GTF2H1: variants seen among roughly 807,000 people sequenced by gnomAD.
The protein encoded by GTF2H1 is general transcription factor IIH subunit 1.
In GTF2H1, 16 loss-of-function variants were observed where a neutral mutation model predicts 71.2. The ratio of observed to expected loss-of-function variants is 0.22; its 90% CI spans 0.15 to 0.34. The LOEUF (loss-of-function observed/expected upper bound fraction) is 0.34. GTF2H1 is among the 10% of genes least tolerant of loss of function. The pLI is 1.00. For synonymous variants in GTF2H1, 215 were observed against 219.0 expected (o/e 0.98, Z 0.16); for missense variants, 498 against 648.2 (o/e 0.77, Z 2.52).
At chr11:18,346,568 A>G (rs142960760) in intron 7 of GTF2H1, among the ~76,000 whole-genome samples, 15 of 152,152 alleles carry the variant, frequency 9.9e-5, no homozygotes, top group African/African-American at 3.6e-4. Flanking sequence ...CGTGCACTCA[A>G]TACATGTTTT....
intron 11 of GTF2H1, among the ~76,000 whole-genome samples, chr11:18,354,714 A>G (rs1207832258): frequency 6.6e-6 from 1 of 152,232 alleles, no homozygotes; most frequent in Non-Finnish European, 1.5e-5. Flanking sequence ...CATGAAAGGA[A>G]GAGCATTCCC....
intron 3 of GTF2H1, among the ~76,000 whole-genome samples, chr11:18,336,383 C>T (rs563957292): frequency 6.6e-5 from 10 of 152,312 alleles, no homozygotes; most frequent in Admixed American, 5.9e-4. Context: ...CCACCTCAGC[C>T]TCCCAAAGTG....
Position 18,338,132 on chromosome 11 carries a change from T to C in GTF2H1, c.371T>C (p.Leu124Ser). ...AGAATGCTGCAAGAAGATCCTGTTT[T>C]GTTTCAGCTTTATAAAGACCTTGTT... Reference protein sequence around the residue: ...KNRMLQEDPVLFQLYKDLVVS... With the variant: ...KNRMLQEDPVSFQLYKDLVVS... The change falls in exon 4 of 15, where the codon TTG (leucine) becomes TCG (serine). Residue 124 changes from leucine (L) to serine (S), a missense_variant. Around this residue, in one of 3 missense-constraint regions of GTF2H1, gnomAD observed 216 missense variants for 306.2 expected, o/e 0.71. Transcript: ENST00000265963. The C allele has an allele frequency of 1.9e-6, 3 of 1,611,872 alleles. No homozygotes were observed. The highest frequency in any genetic ancestry group is 2.5e-6 in the Non-Finnish European group (3 of 1,177,958).
At chr11:18,344,939 C>G (rs1446703912) in intron 7 of GTF2H1, among the ~76,000 whole-genome samples, 1 of 152,046 alleles carries the variant, frequency 6.6e-6, no homozygotes, top group African/African-American at 2.4e-5. Flanking sequence ...GGTGGGGTGG[C>G]TCATGCCTTT....
At chr11:18,355,506 T>A (rs1865524805) in intron 11 of GTF2H1, among the ~76,000 whole-genome samples, 1 of 151,832 alleles carries the variant, frequency 6.6e-6, no homozygotes, top group South Asian at 2.1e-4. Context: ...TAAATTTACT[T>A]ATTTATTTAT....
intron 11 of GTF2H1, among the ~76,000 whole-genome samples, chr11:18,356,239 A>G (rs574558442): frequency 1.3e-5 from 2 of 152,044 alleles, no homozygotes; most frequent in Non-Finnish European, 2.9e-5. Context: ...TTAACTGGGT[A>G]TGGTGGTGCG....
intron 14 of GTF2H1, among the ~76,000 whole-genome samples, chr11:18,364,993 G>T (rs907366724): frequency 4.0e-5 from 6 of 151,170 alleles, no homozygotes; most frequent in Admixed American, 1.3e-4. Context: ...ACTTTGAGAG[G>T]CTGAGGCAGG....
rs540771342 is a variant in GTF2H1 at position 18,331,273 on chromosome 11, C to T, written c.-15-1787C>T. On this transcript the variant is annotated intron_variant, in intron 1 of 14. Transcript: ENST00000265963. ...GTTTCACCATGTTGCCCAGACTGGT[C>T]TCGAGCTCCTGAGCTCAAGTGATCC... 9.2e-5 allele frequency among the ~76,000 whole-genome samples: 14 copies of T among 152,244 alleles called. No individual in the cohort carries two copies. The East Asian group carries it at 2.1e-3, about 23-fold the overall frequency.
intron 3 of GTF2H1, among the ~76,000 whole-genome samples, 186 bp downstream of exon 3, chr11:18,336,132 T>C (rs1865023563): frequency 6.6e-6 from 1 of 152,078 alleles, no homozygotes; most frequent in Non-Finnish European, 1.5e-5. Flanking sequence ...TTTGTTTGTT[T>C]TTGGATTTTT....
chr11:18,347,429 C>G lies in GTF2H1; in HGVS notation c.838-159C>G, dbSNP rs549853604. On this transcript the variant is annotated intron_variant, in intron 7 of 14. Transcript: ENST00000265963. ...GTGCTATTTGTTAATCTTTTATGTG[C>G]ATAATGTCACTTGTTTTTAAATGTT... 8 of 555,328 alleles carry G rather than the reference C, an allele frequency of 1.4e-5. No individual in the cohort carries two copies. The East Asian group carries it at 1.4e-4, about 10-fold the overall frequency. The allele number at this position is 555,328 out of a possible 1,614,324, so 34.4% of individuals were successfully genotyped here.
rs1865446160 is a variant in GTF2H1, at chr11:18,352,323, C to T, written c.1143-6C>T. The T allele has an allele frequency of 1.7e-6, 2 of 1,202,572 alleles. No individual in the cohort carries two copies. Among genetic ancestry groups the T allele is most frequent in the Non-Finnish European group, 2.5e-6 (2 of 808,452 alleles). 74.5% of individuals were successfully genotyped at this position (1,202,572 alleles called of 1,614,324 possible). On this transcript the variant is annotated splice_region_variant and splice_polypyrimidine_tract_variant and intron_variant, in intron 10 of 14. Transcript: ENST00000265963. ...GATTAGTAATTTCTTCTGTGCTAAC[C>T]TGCAGGTATTATCATGGTCCAACTC...
chr11:18,337,138 A>G (rs1865046718), intron 3 of GTF2H1, among the ~76,000 whole-genome samples: 1 of 152,120 alleles, frequency 6.6e-6, no homozygotes, highest in Non-Finnish European at 1.5e-5. Context: ...TGAAAAATCC[A>G]TTGCTGAAGG....
intron 14 of GTF2H1, among the ~76,000 whole-genome samples, chr11:18,362,948 C>T (rs553312280): frequency 6.6e-6 from 1 of 151,972 alleles, no homozygotes; most frequent in East Asian, 1.9e-4. Flanking sequence ...GGATTACAGG[C>T]GTGAGCCACC....
intron 1 of GTF2H1, among the ~76,000 whole-genome samples, chr11:18,328,512 CA>C (rs34390516): frequency 4.2e-3 from 395 of 94,140 alleles, no homozygotes; most frequent in Admixed American, 6.0e-3. Context: ...GACTCCATCT[CA>C]AAAAAAAAAA....
chr11:18,352,729 C>T (rs1865454641), intron 11 of GTF2H1, among the ~76,000 whole-genome samples: 1 of 152,176 alleles, frequency 6.6e-6, no homozygotes, highest in Non-Finnish European at 1.5e-5. Flanking sequence ...CAAATTCTGT[C>T]TGGACATTAT....
rs1590198613 is a variant in GTF2H1, at chr11:18,357,883, T to G, written c.1261-69T>G. 6 of 869,706 alleles carry G rather than the reference T, an allele frequency of 6.9e-6. No homozygotes were observed. In the South Asian group the frequency reaches 8.4e-5, roughly 12 times the overall value. 53.9% of individuals were successfully genotyped at this position (869,706 alleles called of 1,614,324 possible). The stretch of plus-strand genomic sequence containing the variant: ...ATTGTCTGCTCTAAAACTAAAATGT[T>G]AAGAAAGAGAGGTGGCAAAAAAAAA... On this transcript the variant is annotated intron_variant, in intron 11 of 14. Coordinates refer to ENST00000265963, the MANE Select transcript of GTF2H1 (RefSeq NM_005316.4).
chr11:18,329,955 A>G (rs1382346061), intron 1 of GTF2H1, among the ~76,000 whole-genome samples: 2 of 152,222 alleles, frequency 1.3e-5, no homozygotes, highest in Non-Finnish European at 2.9e-5. Flanking sequence ...ATCTGTGGTG[A>G]TAGAAATCAG....
chr11:18,322,833 C>T (rs1864545357), intron 1 of GTF2H1, 93 bp downstream of exon 1: 1 of 152,326 alleles, frequency 6.6e-6, no homozygotes, highest in South Asian at 2.1e-4. Flanking sequence ...GGATTCTACC[C>T]CTGTTCCCAG....
intron 8 of GTF2H1, 23 bp downstream of exon 8, chr11:18,347,738 C>T (rs1027380510): frequency 6.2e-7 from 1 of 1,608,964 alleles, no homozygotes; most frequent in Non-Finnish European, 8.5e-7. Context: ...TGCAGAGGTG[C>T]AGTAACTGGG....
Sources: gnomAD v4.1 joint callset for allele counts (sites outside exome capture counted in the v4.1 genomes callset) on GRCh38, gnomAD v4.1.1 for gene constraint, gnomAD v4.1.1 regional missense constraint, MANE v1.5 for transcripts, NCBI Gene and HGNC (gene_info 2026-07-23, HGNC 2026-07-21) for gene names.